MAGI1: variants seen among roughly 807,000 people sequenced by gnomAD.
MAGI1 encodes membrane-associated guanylate kinase, WW and PDZ domain-containing protein 1.
MAGI1 carries 58 observed loss-of-function variants against 139.9 expected under a neutral mutation model. The ratio of observed to expected loss-of-function variants is 0.41; its 90% CI spans 0.34 to 0.52. The LOEUF is 0.52. MAGI1 is among the 20% of genes least tolerant of loss of function. MAGI1 has a pLI of 0.12. For missense variants in MAGI1, 1,874 were observed against 1,901.6 expected (o/e 0.99, Z 0.27); for synonymous variants, 812 against 737.9 (o/e 1.10, Z -1.63).
intron 1 of MAGI1, among the ~76,000 whole-genome samples, chr3:65,733,510 C>G (rs2034404161): frequency 6.6e-6 from 1 of 152,192 alleles, no homozygotes; most frequent in African/African-American, 2.4e-5. Context: ...CATTTCTGCT[C>G]TAAGATTATC....
intron 1 of MAGI1, among the ~76,000 whole-genome samples, chr3:65,642,714 G>T (rs2085049838): frequency 6.6e-6 from 1 of 152,168 alleles, no homozygotes. Context: ...TAATTAGAAA[G>T]ATTCTGGAAA....
rs528787169 is a variant in MAGI1, at chr3:65,625,404, G to T, written c.314-3316C>A. Reference sequence around the variant, plus strand: ...TTAGAGAGTTGAAGTAAAGGAAAAAGAAAGTAAATCTAGGTAGTTAAGCCA... The same window carrying T: ...TTAGAGAGTTGAAGTAAAGGAAAAATAAAGTAAATCTAGGTAGTTAAGCCA... On this transcript the variant is annotated intron_variant, in intron 1 of 22. Coordinates refer to ENST00000402939, the MANE Select transcript of MAGI1 (RefSeq NM_001033057.2). 1.6e-4 allele frequency among the ~76,000 whole-genome samples: 24 copies of T among 152,248 alleles called. No homozygotes were observed. The South Asian group carries it at 3.9e-3, about 25-fold the overall frequency.
intron 2 of MAGI1, among the ~76,000 whole-genome samples, chr3:65,578,966 C>A (rs951693600): frequency 1.3e-5 from 2 of 150,156 alleles, no homozygotes; most frequent in Non-Finnish European, 3.0e-5. Context: ...AGAGAGAGAA[C>A]GAACAGATAT....
At chr3:65,403,583 A>T (rs544665222) in intron 12 of MAGI1, among the ~76,000 whole-genome samples, 1 of 152,256 alleles carries the variant, frequency 6.6e-6, no homozygotes, top group East Asian at 1.9e-4. Context: ...TTCTTAGTTA[A>T]TTGGAATCAG....
At chr3:65,421,503 G>A (rs1294282562) in intron 12 of MAGI1, among the ~76,000 whole-genome samples, 5 of 152,152 alleles carry the variant, frequency 3.3e-5, no homozygotes, top group African/African-American at 1.2e-4. Context: ...ACACCAAGGA[G>A]ACTTCAAAGT....
intron 10 of MAGI1, among the ~76,000 whole-genome samples, chr3:65,436,221 T>A (rs1436810271): frequency 1.3e-5 from 2 of 151,690 alleles, no homozygotes; most frequent in East Asian, 3.9e-4. Flanking sequence ...GAATTATTAT[T>A]CTACTTATCT....
At chr3:65,677,012 A>G (rs2087237446) in intron 1 of MAGI1, among the ~76,000 whole-genome samples, 1 of 152,194 alleles carries the variant, frequency 6.6e-6, no homozygotes, top group Non-Finnish European at 1.5e-5. Flanking sequence ...GTATTTTATT[A>G]TGAGCTGTGC....
chr3:65,683,902 C>A (rs1441656760), intron 1 of MAGI1, among the ~76,000 whole-genome samples: 1 of 150,954 alleles, frequency 6.6e-6, no homozygotes, highest in Non-Finnish European at 1.5e-5. Context: ...AAAACTCACA[C>A]TCATGTAACT....
chr3:65,702,116 G>C lies in MAGI1; in HGVS notation c.314-80028C>G, dbSNP rs539164145. ...TGACAAATCTGAAGGTTTCTGATCA[G>C]TATTCAGTACCTGTGTTTACGAGCG... On this transcript the variant is annotated intron_variant, in intron 1 of 22. Coordinates refer to ENST00000402939, the MANE Select transcript of MAGI1 (RefSeq NM_001033057.2). Among the ~76,000 whole-genome samples the C allele has an allele frequency of 2.6e-5, 4 of 152,210 alleles. 1 individual carries two copies. The South Asian group carries it at 8.3e-4, about 32-fold the overall frequency.
chr3:66,032,273 G>A lies in MAGI1; in HGVS notation c.313+5723C>T, dbSNP rs148818053. ...GTCACCCAGGCTGGAGTGCAGTGGC[G>A]CGATCTCAGCTCACTGCAACCTCAG... On this transcript the variant is annotated intron_variant, in intron 1 of 22. Coordinates refer to ENST00000402939, the MANE Select transcript of MAGI1 (RefSeq NM_001033057.2). Among the ~76,000 whole-genome samples the A allele has an allele frequency of 4.2e-3, 636 of 151,806 alleles. 5 individuals are homozygous for A. The highest frequency in any genetic ancestry group is 0.014 in the African/African-American group (597 of 41,370).
chr3:65,511,113 T>G (rs1467440496), intron 2 of MAGI1, among the ~76,000 whole-genome samples: 1 of 149,008 alleles, frequency 6.7e-6, no homozygotes, highest in Non-Finnish European at 1.5e-5. Context: ...CTGAGAGATT[T>G]TGTCACCACC....
At chr3:65,360,360 T>C in intron 22 of MAGI1, 1 of 980,030 alleles carries the variant, frequency 1.0e-6, no homozygotes, top group Non-Finnish European at 1.2e-6. Context: ...TCTTTTTTTT[T>C]TTTTTTTTAA....
chr3:65,530,788 C>A (rs1299219924), intron 2 of MAGI1, among the ~76,000 whole-genome samples: 2 of 79,450 alleles, frequency 2.5e-5, no homozygotes, highest in South Asian at 4.2e-4. Context: ...CATATATATA[C>A]ACGTATATAT....
intron 1 of MAGI1, among the ~76,000 whole-genome samples, chr3:65,906,505 A>C (rs981643039): frequency 6.6e-6 from 1 of 152,208 alleles, no homozygotes; most frequent in African/African-American, 2.4e-5. Flanking sequence ...CCCTCCACAA[A>C]AGTATCCACA....
intron 1 of MAGI1, among the ~76,000 whole-genome samples, chr3:65,813,694 T>A (rs1363462212): frequency 1.3e-5 from 2 of 152,142 alleles, no homozygotes; most frequent in East Asian, 3.9e-4. Flanking sequence ...ACAGAAATAA[T>A]GAGAAATACG....
intron 5 of MAGI1, among the ~76,000 whole-genome samples, chr3:65,461,445 G>A (rs1949783452): frequency 6.8e-6 from 1 of 146,430 alleles, no homozygotes; most frequent in Non-Finnish European, 1.5e-5. Context: ...TCGATCTCCT[G>A]ACCTCATGAT....
intron 1 of MAGI1, among the ~76,000 whole-genome samples, chr3:65,885,052 A>T (rs1256958299): frequency 6.6e-6 from 1 of 152,166 alleles, no homozygotes; most frequent in Non-Finnish European, 1.5e-5. Context: ...TCAACAAAAA[A>T]ATCACATATA....
intron 1 of MAGI1, among the ~76,000 whole-genome samples, chr3:66,016,203 C>T (rs73833344): frequency 0.071 from 10,803 of 152,212 alleles, 423 homozygotes; most frequent in East Asian, 0.08. Context: ...AACTATCAGT[C>T]ATTCAGTGTT....
intron 8 of MAGI1, among the ~76,000 whole-genome samples, 159 bp from the exon 9 acceptor site, chr3:65,440,171 T>C (rs1016388858): frequency 5.3e-5 from 8 of 152,148 alleles, no homozygotes; most frequent in African/African-American, 1.9e-4. Context: ...GAAATAAAAA[T>C]GAAGTTTCCA....
Sources: allele counts gnomAD v4.1 joint callset (sites outside exome capture counted in the v4.1 genomes callset), GRCh38; gene constraint gnomAD v4.1.1; transcripts MANE v1.5; gene names NCBI Gene and HGNC (gene_info 2026-07-23, HGNC 2026-07-21).